RHOBTB1: variants seen among roughly 807,000 people sequenced by gnomAD.
RHOBTB1 encodes the protein Rho related BTB domain containing 1, also known as rho-related BTB domain-containing protein 1.
RHOBTB1 carries 40 observed loss-of-function variants against 71.6 expected under a neutral mutation model. The ratio of observed to expected loss-of-function variants is 0.56; its 90% confidence interval spans 0.43 to 0.73. The LOEUF is 0.73. Ranked by LOEUF, RHOBTB1 falls within the 30% of genes least tolerant of loss-of-function variation. RHOBTB1 has a pLI of 0.00. For synonymous variants in RHOBTB1, 319 were observed against 334.9 expected, an observed-to-expected ratio of 0.95 and a Z score of 0.52; for missense variants, 797 against 894.0, an observed-to-expected ratio of 0.89 and a Z score of 1.38.
chr10:60,907,012 A>G (rs1453541077), intron 4 of RHOBTB1, among the ~76,000 whole-genome samples: 2 of 152,186 alleles, frequency 1.3e-5, no homozygotes, highest in Admixed American at 1.3e-4. Context: ...GTGAATAAGT[A>G]TCATGAGATC....
chr10:60,976,639 A>C (rs2086325888), intron 2 of RHOBTB1, among the ~76,000 whole-genome samples: 1 of 151,972 alleles, frequency 6.6e-6, no homozygotes, highest in Non-Finnish European at 1.5e-5. Flanking sequence ...TGTCCAACAG[A>C]CCCGATAGGA....
At chr10:60,904,784 T>C (rs548209779) in intron 4 of RHOBTB1, among the ~76,000 whole-genome samples, 1 of 152,348 alleles carries the variant, frequency 6.6e-6, no homozygotes, top group East Asian at 1.9e-4. Context: ...CCTAACCTCT[T>C]AGGGAACAAC....
chr10:60,949,806 T>C (rs1249277920), intron 2 of RHOBTB1, among the ~76,000 whole-genome samples: 1 of 152,188 alleles, frequency 6.6e-6, no homozygotes, highest in Non-Finnish European at 1.5e-5. Context: ...TACTGTGTAC[T>C]TTTCATTGTT....
At chr10:60,996,746 T>C (rs1180851845) in intron 1 of RHOBTB1, among the ~76,000 whole-genome samples, 1 of 152,210 alleles carries the variant, frequency 6.6e-6, no homozygotes, top group Non-Finnish European at 1.5e-5. Context: ...GAATGCCAGA[T>C]TTAGCAAATA....
chr10:60,903,495 A>G (rs187827700), intron 4 of RHOBTB1, among the ~76,000 whole-genome samples: 1 of 152,332 alleles, frequency 6.6e-6, no homozygotes, highest in Admixed American at 6.5e-5. Flanking sequence ...CACCATGTTC[A>G]CCAGTTCCAG....
At chr10:60,947,727 C>T (rs1437271538), upstream of RHOBTB1, among the ~76,000 whole-genome samples, 1 of 152,120 alleles carries the variant, frequency 6.6e-6, no homozygotes, top group African/African-American at 2.4e-5. Flanking sequence ...TCCATTCACC[C>T]ACTGAAGGAT....
downstream of RHOBTB1, among the ~76,000 whole-genome samples, chr10:60,869,091 C>G (rs979641229): frequency 3.3e-5 from 5 of 152,226 alleles, no homozygotes; most frequent in African/African-American, 1.2e-4. Context: ...GCAACTCAGA[C>G]CTATCACTCA....
intron 2 of RHOBTB1, among the ~76,000 whole-genome samples, chr10:60,977,961 T>G (rs969170538): frequency 1.3e-5 from 2 of 152,048 alleles, no homozygotes; most frequent in Non-Finnish European, 2.9e-5. Context: ...AGGAAAGAAA[T>G]AGATCACTTA....
intron 2 of RHOBTB1, among the ~76,000 whole-genome samples, chr10:60,974,972 AC>A (rs879456811): frequency 6.6e-6 from 1 of 151,972 alleles, no homozygotes; most frequent in African/African-American, 2.4e-5. Flanking sequence ...TGGAACTTCT[AC>A]CTCTGTATGT....
At chr10:60,885,169 G>T (rs6479741) in intron 7 of RHOBTB1, among the ~76,000 whole-genome samples, 5,823 of 152,162 alleles carry the variant, frequency 0.038, 183 homozygotes, top group East Asian at 0.094. Context: ...GCTAAAAGAC[G>T]ATTTTAAATG....
At position 60,893,010 on chromosome 10, in the gene RHOBTB1, T is replaced by C; in HGVS notation, c.297-15A>G. 2 of 1,600,150 alleles carry C rather than the reference T, an allele frequency of 1.2e-6. No individual in the cohort carries two copies. The highest frequency in any genetic ancestry group is 1.7e-6 in the Non-Finnish European group (2 of 1,173,378). On this transcript the variant is annotated splice_polypyrimidine_tract_variant and intron_variant, in intron 4 of 10. Coordinates refer to ENST00000337910, the MANE Select transcript of RHOBTB1 (RefSeq NM_014836.5). The stretch of plus-strand genomic sequence containing the variant: ...CAACATCAGACCTAAAAGGAAATCA[T>C]AAAAGAAGCTTGTATTGCCTTTTAA...
chr10:60,903,661 G>A (rs2082518419), intron 4 of RHOBTB1, among the ~76,000 whole-genome samples: 1 of 44,450 alleles, frequency 2.2e-5, no homozygotes, highest in African/African-American at 1.8e-4. Context: ...CTGAGAAACA[G>A]GCCCCTGGGT....
At chr10:60,928,459 G>A (rs187615193) in intron 2 of RHOBTB1, among the ~76,000 whole-genome samples, 46 of 151,976 alleles carry the variant, frequency 3.0e-4, no homozygotes, top group Non-Finnish European at 6.2e-4. Flanking sequence ...AAGAAATCCT[G>A]TTGTTTGAAA....
intron 4 of RHOBTB1, among the ~76,000 whole-genome samples, chr10:60,894,668 A>G (rs1385279617): frequency 6.6e-6 from 1 of 152,192 alleles, no homozygotes; most frequent in East Asian, 1.9e-4. Flanking sequence ...TTCATCCTGA[A>G]CACAAAATAA....
intron 1 of RHOBTB1, among the ~76,000 whole-genome samples, chr10:60,998,584 C>T (rs1481889366): frequency 2.0e-5 from 3 of 152,046 alleles, no homozygotes; most frequent in Non-Finnish European, 1.5e-5. Flanking sequence ...GTGCAATTTA[C>T]TTAGACCTAA....
At chr10:60,980,497 C>A (rs2134793372) in intron 2 of RHOBTB1, among the ~76,000 whole-genome samples, 1 of 152,202 alleles carries the variant, frequency 6.6e-6, no homozygotes, top group African/African-American at 2.4e-5. Flanking sequence ...CATTGAGATG[C>A]TCTTCTCAGG....
chr10:60,894,820 T>C (rs2082086144), intron 4 of RHOBTB1, among the ~76,000 whole-genome samples: 1 of 152,240 alleles, frequency 6.6e-6, no homozygotes, highest in Non-Finnish European at 1.5e-5. Flanking sequence ...GCCTTCTATT[T>C]CCCTATTAAG....
chr10:60,981,176 G>C (rs1406577278), intron 2 of RHOBTB1, among the ~76,000 whole-genome samples: 1 of 151,996 alleles, frequency 6.6e-6, no homozygotes, highest in Non-Finnish European at 1.5e-5. Flanking sequence ...AAGTTTCTCT[G>C]TCAGTAAAAA....
the RHOBTB1 span, among the ~76,000 whole-genome samples, chr10:60,862,246 G>A: frequency 6.7e-6 from 1 of 150,098 alleles, no homozygotes; most frequent in Non-Finnish European, 1.5e-5. Context: ...TACCCAGGCT[G>A]GACTGCAGTG....
Sources: gnomAD v4.1 joint callset for allele counts (sites outside exome capture counted in the v4.1 genomes callset) on GRCh38, gnomAD v4.1.1 for gene constraint, MANE v1.5 for transcripts, NCBI Gene and HGNC (gene_info 2026-07-23, HGNC 2026-07-21) for gene names.